P2RX3: variants seen among roughly 807,000 people sequenced by gnomAD.
The protein encoded by P2RX3 is purinergic receptor P2X 3.
In P2RX3, 41 loss-of-function variants were observed where a neutral mutation model predicts 51.5. The observed-to-expected ratio is 0.80, with a 90% CI of 0.62 to 1.03. The LOEUF is 1.03. Ranked by LOEUF, P2RX3 falls within the 50% of genes least tolerant of loss-of-function variation. The pLI, the probability that P2RX3 is intolerant of heterozygous loss-of-function variation, is 0.00. For missense variants in P2RX3, 459 were observed against 522.1 expected, an observed-to-expected ratio of 0.88 and a Z score of 1.18; for synonymous variants, 185 against 191.6, an observed-to-expected ratio of 0.97 and a Z score of 0.29.
intron 1 of P2RX3, among the ~76,000 whole-genome samples, chr11:57,345,095 A>G (rs1856408102): frequency 6.6e-6 from 1 of 152,210 alleles, no homozygotes; most frequent in Admixed American, 6.5e-5. Context: ...CGGTTCTGGG[A>G]TTGAAGTCCT....
rs767116491 is a variant in P2RX3 at position 57,369,361 on chromosome 11, G to A, written c.1003G>A (p.Gly335Arg). 1 of 1,608,524 alleles carries A rather than the reference G, an allele frequency of 6.2e-7. No individual in the cohort carries two copies. Among genetic ancestry groups the A allele is most frequent in the Admixed American group, 1.7e-5 (1 of 59,410 alleles). The change falls in exon 11 of 12, where the codon GGA becomes AGA. Residue 335 changes from glycine (G) to arginine (R), a missense_variant and splice_region_variant. By Grantham distance (125) the Gly-to-Arg change is moderately radical. Coordinates refer to ENST00000263314, the MANE Select transcript of P2RX3 (RefSeq NM_002559.5). ...GCCCGCCCTGCCTCTCCTCCTCCAG[G>A]GAACTGTTCTCTGTGACATCATCCT... ...SVAAFTSVGV[G>R]TVLCDIILLN... is the part of the protein sequence containing the mutation.
At chr11:57,363,789 C>T (rs915549747) in intron 8 of P2RX3, among the ~76,000 whole-genome samples, 1 of 152,156 alleles carries the variant, frequency 6.6e-6, no homozygotes, top group South Asian at 2.1e-4. Flanking sequence ...TGGGTTACCC[C>T]CTCTGTCTGC....
rs1364704930 is a variant in P2RX3, at chr11:57,350,456, G to C, written c.706-306G>C. The C allele has an allele frequency of 1.1e-5, 3 of 272,170 alleles. No homozygotes were observed. The Admixed American group carries it at 1.4e-4, about 13-fold the overall frequency. 16.9% of individuals were successfully genotyped at this position (272,170 alleles called of 1,614,324 possible). On this transcript the variant is annotated intron_variant, in intron 7 of 11. Coordinates refer to ENST00000263314, the MANE Select transcript of P2RX3 (RefSeq NM_002559.5). ...TGGGACCAAGCCCGGCTAATTTTTG[G>C]TATTTTTAGTAGAGTCAGGGGTTCG...
chr11:57,348,392 G>C lies in P2RX3; in HGVS notation c.485+129G>C, dbSNP rs971613858. The C allele has an allele frequency of 4.3e-6, 4 of 934,358 alleles. No homozygotes were observed. In the East Asian group the frequency reaches 8.0e-5, roughly 19 times the overall value. The allele number at this position is 934,358 out of a possible 1,614,324, so 57.9% of individuals were successfully genotyped here. A position where few individuals can be genotyped will look rare whatever the true frequency, so the allele number is the denominator to read the frequency against. ...CTCCAGTGTTGTCCCTTCCTGGTGT[G>C]GGGGGTGGCCTCAGGCCCAGGGTAT... On this transcript the variant is annotated intron_variant, in intron 5 of 11. Coordinates refer to ENST00000263314, the MANE Select transcript of P2RX3 (RefSeq NM_002559.5).
chr11:57,340,747 G>C (rs1363131531), intron 1 of P2RX3: 2 of 152,322 alleles, frequency 1.3e-5, no homozygotes, highest in African/African-American at 4.8e-5. Context: ...AGCCGCTTCT[G>C]TGAAGGTGTT....
At chr11:57,339,885 T>C (rs955686759) in intron 1 of P2RX3, among the ~76,000 whole-genome samples, 1 of 152,138 alleles carries the variant, frequency 6.6e-6, no homozygotes, top group Admixed American at 6.5e-5. Context: ...GGTGATTTTT[T>C]GCTCTGTGTG....
rs777893652 is a variant in P2RX3, at chr11:57,350,858, G to C, written c.802G>C (p.Val268Leu). Reference sequence around the variant, plus strand: ...ATACTCCTTCACCCGGCTCGACAGCGTTTCTGAGAAAAGCAGCGTGTCCCC... The same window carrying C: ...ATACTCCTTCACCCGGCTCGACAGCCTTTCTGAGAAAAGCAGCGTGTCCCC... Reference protein sequence around the residue: ...PKYSFTRLDSVSEKSSVSPGY... With the variant: ...PKYSFTRLDSLSEKSSVSPGY... Residue 268 changes from valine to leucine, a missense_variant, in exon 8 of 12, where the codon GTT becomes CTT. Coordinates refer to ENST00000263314, the MANE Select transcript of P2RX3 (RefSeq NM_002559.5). The C allele has an allele frequency of 1.9e-6, 3 of 1,614,038 alleles. No homozygotes were observed. Among genetic ancestry groups the C allele is most frequent in the Non-Finnish European group, 2.5e-6 (3 of 1,180,034 alleles).
chr11:57,353,807 T>G (rs930141587), intron 8 of P2RX3, among the ~76,000 whole-genome samples: 1 of 150,580 alleles, frequency 6.6e-6, no homozygotes, highest in Admixed American at 6.7e-5. Context: ...CCATCACTAA[T>G]TACATTCGCA....
chr11:57,357,401 G>T (rs1856647969), intron 8 of P2RX3, among the ~76,000 whole-genome samples: 1 of 152,120 alleles, frequency 6.6e-6, no homozygotes. Context: ...CCTGTCCAAG[G>T]CCACACAGCT....
intron 8 of P2RX3, among the ~76,000 whole-genome samples, chr11:57,364,636 T>A (rs1212606344): frequency 6.6e-6 from 1 of 152,214 alleles, no homozygotes; most frequent in African/African-American, 2.4e-5. Context: ...TGGAGAATTA[T>A]GTTCTTAGGC....
Position 57,360,865 on chromosome 11 carries a change from TTAGCTATAGTC to T in P2RX3, c.843-7142_843-7132del, listed in dbSNP as rs540229322. The stretch of plus-strand genomic sequence containing the variant: ...GGCTCATAGTCCGTAGTCCAAATTA[TTAGCTATAGTC>T]TGGTGTGGCAGATACTGTAGTAGAG... On this transcript the variant is annotated intron_variant, in intron 8 of 11. Coordinates refer to ENST00000263314, the MANE Select transcript of P2RX3 (RefSeq NM_002559.5). Among the ~76,000 whole-genome samples, 53 of 151,822 alleles carry T rather than the reference TTAGCTATAGTC, an allele frequency of 3.5e-4. No homozygotes were observed. In the East Asian group the frequency reaches 8.1e-3, roughly 23 times the overall value.
chr11:57,346,804 G>C, intron 2 of P2RX3, 125 bp downstream of exon 2: 2 of 1,360,586 alleles, frequency 1.5e-6, no homozygotes, highest in South Asian at 1.4e-5. Context: ...CTGATCCAGA[G>C]GACCTCTCCC....
intron 6 of P2RX3, among the ~76,000 whole-genome samples, chr11:57,349,061 T>C (rs990726570): frequency 4.8e-4 from 73 of 152,178 alleles, no homozygotes; most frequent in African/African-American, 1.7e-3. Flanking sequence ...AGCCCATGTG[T>C]GGAAATCCCT....
intron 8 of P2RX3, among the ~76,000 whole-genome samples, chr11:57,353,845 C>T (rs1005225123): frequency 2.2e-5 from 3 of 136,044 alleles, no homozygotes; most frequent in Non-Finnish European, 4.7e-5. Context: ...ACTCCCCCCC[C>T]CCCGCCCCTA....
Position 57,348,688 on chromosome 11 carries a change from C to G in P2RX3, c.547C>G (p.Leu183Val), listed in dbSNP as rs747671488. 1.9e-6 allele frequency: 3 copies of G among 1,613,528 alleles called. No homozygotes were observed. The highest frequency in any genetic ancestry group is 1.7e-6 in the Non-Finnish European group (2 of 1,179,812). Residue 183 changes from leucine (L) to valine (V), a missense_variant, in exon 6 of 12, where the codon CTC becomes GTC. Coordinates refer to ENST00000263314, the MANE Select transcript of P2RX3 (RefSeq NM_002559.5). The stretch of plus-strand genomic sequence containing the variant: ...CATCAAGAACAGCATCCGTTTCCCC[C>G]TCTTCAACTTTGAGAAGTGAGTCCC... ...IFIKNSIRFPLFNFEKGNLLP... is the reference protein window; with the variant it reads ...IFIKNSIRFPVFNFEKGNLLP...
At chr11:57,360,042 C>T (rs1565070500) in intron 8 of P2RX3, among the ~76,000 whole-genome samples, 1 of 152,168 alleles carries the variant, frequency 6.6e-6, no homozygotes, top group Admixed American at 6.5e-5. Flanking sequence ...GTGGCACAGC[C>T]GGGATTCAGG....
intron 8 of P2RX3, among the ~76,000 whole-genome samples, chr11:57,359,021 C>T (rs1354543708): frequency 6.6e-6 from 1 of 152,138 alleles, no homozygotes; most frequent in Non-Finnish European, 1.5e-5. Context: ...GGAGGCAAAG[C>T]ACATTCAGCT....
chr11:57,348,747 C>A, intron 6 of P2RX3, 43 bp downstream of exon 6: 1 of 1,455,994 alleles, frequency 6.9e-7, no homozygotes, highest in South Asian at 1.2e-5. Context: ...GCAGGCACCC[C>A]CGGCCCTGCC....
At chr11:57,355,459 G>A (rs865982585) in intron 8 of P2RX3, among the ~76,000 whole-genome samples, 10 of 149,040 alleles carry the variant, frequency 6.7e-5, no homozygotes, top group African/African-American at 2.5e-4. Context: ...CCCTGCCTCA[G>A]CCTCCCCAGT....
Sources: gnomAD v4.1 joint callset for allele counts (sites outside exome capture counted in the v4.1 genomes callset) on GRCh38, gnomAD v4.1.1 for gene constraint, MANE v1.5 for transcripts, NCBI Gene and HGNC (gene_info 2026-07-23, HGNC 2026-07-21) for gene names.